The following ACOT6 variants were observed in gnomAD, a reference collection of about 807,000 sequenced individuals.
ACOT6 encodes acyl-CoA thioesterase 6.
Under a neutral mutation model 12.3 loss-of-function variants are expected in ACOT6, and 14 were observed. That is an observed-to-expected ratio of 1.14 (90% CI 0.75 to 1.78). The LOEUF (loss-of-function observed/expected upper bound fraction) is 1.78, where lower values mean the gene tolerates loss of function less well. ACOT6 is among the 40% of genes most tolerant of loss of function. The probability of loss-of-function intolerance (pLI) is 0.00; values close to 1 mark genes in which losing one functional copy is unlikely to be tolerated. For synonymous variants in ACOT6, 218 were observed against 231.3 expected, an observed-to-expected ratio of 0.94 and a Z score of 0.52; for missense variants, 523 against 551.8, an observed-to-expected ratio of 0.95 and a Z score of 0.52.
Position 73,612,649 on chromosome 14 carries a change from G to A in ACOT6, c.78G>A (p.Leu26=), listed in dbSNP as rs923145883. Reference sequence around the variant, plus strand: ...CGCTGCGCATCGCAGTGCGCGGCCTGGCCCCGGAGCAGCCAGTCACGCTGC... The same window carrying A: ...CGCTGCGCATCGCAGTGCGCGGCCTAGCCCCGGAGCAGCCAGTCACGCTGC... ...DEPLRIAVRG[L]APEQPVTLRT... Residue 26 remains leucine, a synonymous_variant, in exon 1 of 3, where the codon CTG becomes CTA. Coordinates refer to ENST00000645972, the MANE Select transcript of ACOT6 (RefSeq NM_001365788.1). The A allele has an allele frequency of 7.1e-7, 1 of 1,406,948 alleles. No individual in the cohort carries two copies. Among genetic ancestry groups the A allele is most frequent in the Non-Finnish European group, 9.2e-7 (1 of 1,081,810 alleles). 87.2% of individuals were successfully genotyped at this position (1,406,948 alleles called of 1,614,324 possible).
upstream of ACOT6, among the ~76,000 whole-genome samples, chr14:73,611,882 C>A (rs544628354): frequency 6.6e-6 from 1 of 152,096 alleles, no homozygotes; most frequent in Non-Finnish European, 1.5e-5. Context: ...GGACGGATTA[C>A]GACCATGTTT....
At position 73,612,849 on chromosome 14, in the gene ACOT6, T is replaced by A; in HGVS notation, c.278T>A (p.Leu93Gln). The change falls in exon 1 of 3, where the codon CTG becomes CAG. Residue 93 changes from leucine to glutamine, a missense_variant. Physicochemically the swap from Leu to Gln is moderately radical, Grantham distance 113 (BLOSUM62 -2). Transcript: ENST00000645972. Reference protein sequence around the residue: ...ALEPEKALVRLVKRDVRTPFA... With the variant: ...ALEPEKALVRQVKRDVRTPFA... ...GAGCCCGAGAAAGCCTTGGTGCGGC[T>A]GGTGAAGCGCGACGTGCGGACGCCC... 1 of 1,420,166 alleles carries A rather than the reference T, an allele frequency of 7.0e-7. No homozygotes were observed. Among genetic ancestry groups the A allele is most frequent in the Non-Finnish European group, 9.4e-7 (1 of 1,065,264 alleles). The allele number at this position is 1,420,166 out of a possible 1,614,324, so 88.0% of individuals were successfully genotyped here. A position where few individuals can be genotyped will look rare whatever the true frequency, so the allele number is the denominator to read the frequency against.
chr14:73,617,469 T>A (rs565703813), intron 2 of ACOT6, among the ~76,000 whole-genome samples: 1 of 152,258 alleles, frequency 6.6e-6, no homozygotes, highest in South Asian at 2.1e-4. Context: ...GTTTTTGTAC[T>A]AGGATTATTA....
chr14:73,617,848 TA>T (rs1340850946), intron 2 of ACOT6, among the ~76,000 whole-genome samples: 2 of 152,082 alleles, frequency 1.3e-5, no homozygotes, highest in African/African-American at 4.8e-5. Context: ...AATAATTAAT[TA>T]ATTAAAACAT....
In ACOT6 at chr14:73,612,596, C is replaced by A; in HGVS notation, c.25C>A (p.Pro9Thr). MAATLILE[P>T]AGRCCWDEPL... ...GATGGCAGCGACGCTGATCCTGGAG[C>A]CCGCGGGCCGCTGCTGCTGGGACGA... is the stretch of plus-strand genomic sequence containing the variant. The change falls in exon 1 of 3, where the codon CCC (proline) becomes ACC (threonine). Residue 9 changes from proline (P) to threonine (T), a missense_variant. By Grantham distance (38) the Pro-to-Thr change is conservative. This residue lies in a region of ACOT6 where 304 missense variants were observed against 274.8 expected (regional missense o/e 1.11). Coordinates refer to ENST00000645972, the MANE Select transcript of ACOT6 (RefSeq NM_001365788.1). 7.1e-7 allele frequency: 1 copy of A among 1,412,314 alleles called. No individual in the cohort carries two copies. The highest frequency in any genetic ancestry group is 9.3e-7 in the Non-Finnish European group (1 of 1,076,438). The allele number at this position is 1,412,314 out of a possible 1,614,324, so 87.5% of individuals were successfully genotyped here.
At chr14:73,613,158 A>C in intron 1 of ACOT6, 126 bp downstream of exon 1, 1 of 462,376 alleles carries the variant, frequency 2.2e-6, no homozygotes, top group East Asian at 3.6e-5. Flanking sequence ...ATGGATTCTG[A>C]GTCTGGGCGT....
chr14:73,615,404 A>C (rs904091437), intron 1 of ACOT6, among the ~76,000 whole-genome samples: 10 of 79,398 alleles, frequency 1.3e-4, no homozygotes, highest in African/African-American at 2.2e-4. Flanking sequence ...AAAAAAAAAA[A>C]AAACAAAAAA....
At position 73,613,737 on chromosome 14, in the gene ACOT6, A is replaced by T. The variant is rs532117657; in HGVS notation, c.461+705A>T. On this transcript the variant is annotated intron_variant, in intron 1 of 2. Coordinates refer to ENST00000645972, the MANE Select transcript of ACOT6 (RefSeq NM_001365788.1). ...ACATTCCACAATGCACAGGACAACCACCAGAACAAAGAATTATCTTGCTGA... is the reference window on the plus strand; with the variant it reads ...ACATTCCACAATGCACAGGACAACCTCCAGAACAAAGAATTATCTTGCTGA... Among the ~76,000 whole-genome samples the T allele has an allele frequency of 2.6e-3, 393 of 152,288 alleles. 3 individuals carry two copies. Among genetic ancestry groups the T allele is most frequent in the African/African-American group, 8.4e-3 (350 of 41,560 alleles).
chr14:73,612,761 C>G lies in ACOT6; in HGVS notation c.190C>G (p.Arg64Gly), dbSNP rs1204717218. Residue 64 changes from arginine to glycine, a missense_variant, in exon 1 of 3, where the codon CGC becomes GGC. By Grantham distance (125) the Arg-to-Gly change is moderately radical (BLOSUM62 -2). Coordinates refer to ENST00000645972, the MANE Select transcript of ACOT6 (RefSeq NM_001365788.1). ...ADARDELDLE[R>G]APALGGSFAG... is the part of the protein sequence containing the mutation. ...CGCCCGCGACGAGCTGGACCTGGAGCGCGCGCCCGCGCTGGGAGGCAGCTT... is the reference window on the plus strand; with the variant it reads ...CGCCCGCGACGAGCTGGACCTGGAGGGCGCGCCCGCGCTGGGAGGCAGCTT... The G allele has an allele frequency of 3.6e-6, 5 of 1,371,198 alleles. No homozygotes were observed. Among genetic ancestry groups the G allele is most frequent in the African/African-American group, 3.1e-5 (2 of 65,310 alleles). The allele number at this position is 1,371,198 out of a possible 1,614,324, so 84.9% of individuals were successfully genotyped here.
intron 1 of ACOT6, 22 bp downstream of exon 1, chr14:73,613,054 C>T (rs1330916654): frequency 4.5e-6 from 3 of 660,822 alleles, no homozygotes; most frequent in Non-Finnish European, 7.0e-6. Context: ...AGAATTTGGT[C>T]GAGCTCTGCG....
At chr14:73,613,494 T>C (rs1890483534) in intron 1 of ACOT6, among the ~76,000 whole-genome samples, 1 of 152,228 alleles carries the variant, frequency 6.6e-6, no homozygotes, top group Non-Finnish European at 1.5e-5. Context: ...AAATCCACAG[T>C]ATTGGCAATG....
In ACOT6 at chr14:73,617,037, G is replaced by A; in HGVS notation, c.505G>A (p.Gly169Ser). 2.0e-6 allele frequency: 2 copies of A among 981,228 alleles called. No individual in the cohort carries two copies. The highest frequency in any genetic ancestry group is 1.3e-5 in the South Asian group (1 of 74,544). The allele number at this position is 981,228 out of a possible 1,614,324, so 60.8% of individuals were successfully genotyped here. Reference protein sequence around the residue: ...GIIDLFGSSRGLCEYRASLLA... With the variant: ...GIIDLFGSSRSLCEYRASLLA... ...CATTGATCTGTTTGGGAGCAGCAGG[G>A]GCCTTTGTGAATACAGGGCCAGCCT... Residue 169 changes from glycine to serine, a missense_variant, in exon 2 of 3, where the codon GGC becomes AGC. By Grantham distance (56) the Gly-to-Ser change is moderately conservative (BLOSUM62 0). This residue lies in a region of ACOT6 where 304 missense variants were observed against 274.8 expected (regional missense o/e 1.11). Coordinates refer to ENST00000645972, the MANE Select transcript of ACOT6 (RefSeq NM_001365788.1).
In ACOT6 at chr14:73,612,698, G is replaced by T; in HGVS notation, c.127G>T (p.Gly43Cys). 7.1e-7 allele frequency: 1 copy of T among 1,400,812 alleles called. No individual in the cohort carries two copies. 86.8% of individuals were successfully genotyped at this position (1,400,812 alleles called of 1,614,324 possible). A position where few individuals can be genotyped will look rare whatever the true frequency, so the allele number is the denominator to read the frequency against. ...TLRTSLRDEE[G>C]ALFRAHARYR... ...GCGCACGTCCCTGCGCGACGAAGAG[G>T]GCGCGCTCTTCCGGGCCCACGCGCG... Residue 43 changes from glycine to cysteine, a missense_variant, in exon 1 of 3, where the codon GGC (glycine) becomes TGC (cysteine). Physicochemically the swap from Gly to Cys is radical, Grantham distance 159. This residue lies in a region of ACOT6 where 304 missense variants were observed against 274.8 expected (regional missense o/e 1.11). Transcript: ENST00000645972.
At chr14:73,618,514 G>A (rs1292721930) in intron 2 of ACOT6, among the ~76,000 whole-genome samples, 1 of 150,346 alleles carries the variant, frequency 6.7e-6, no homozygotes. Context: ...CCCACGGGCT[G>A]ACCTCTCCCC....
At chr14:73,618,357 C>T (rs772212969) in intron 2 of ACOT6, among the ~76,000 whole-genome samples, 37 of 146,422 alleles carry the variant, frequency 2.5e-4, no homozygotes, top group Middle Eastern at 3.4e-3. Flanking sequence ...ATCCTGCTTC[C>T]AGGCCCTAAG....
chr14:73,611,443 A>T (rs1314864759), upstream of ACOT6: 1 of 152,112 alleles, frequency 6.6e-6, no homozygotes, highest in Non-Finnish European at 1.5e-5. Flanking sequence ...ATCTTGTTTC[A>T]TTGTTTTTGT....
chr14:73,616,737 G>A (rs1410573704), intron 1 of ACOT6: 1 of 327,840 alleles, frequency 3.1e-6, no homozygotes, highest in East Asian at 4.8e-5. Context: ...GTGTACAGGT[G>A]GTTTGGGGTT....
At chr14:73,613,315 C>T (rs916072811) in intron 1 of ACOT6, among the ~76,000 whole-genome samples, 1 of 152,034 alleles carries the variant, frequency 6.6e-6, no homozygotes, top group African/African-American at 2.4e-5. Context: ...CCTGGAGGCA[C>T]CACCACTTTA....
intron 2 of ACOT6, 147 bp downstream of exon 2, chr14:73,617,339 G>A (rs45509794): frequency 0.021 from 23,478 of 1,108,254 alleles, 318 homozygotes; most frequent in Middle Eastern, 0.04. Context: ...TGGAAGCTGG[G>A]CATGGTGATG....
Sources: allele counts gnomAD v4.1 joint callset (sites outside exome capture counted in the v4.1 genomes callset), GRCh38; gene constraint gnomAD v4.1.1; regional missense constraint gnomAD v4.1.1; transcripts MANE v1.5; gene names NCBI Gene and HGNC (gene_info 2026-07-23, HGNC 2026-07-21).